Variants in LYPD6B observed in about 807,000 individuals in gnomAD.
The protein encoded by LYPD6B is ly6/PLAUR domain-containing protein 6B.
Under a neutral mutation model 22.8 loss-of-function variants are expected in LYPD6B, and 17 were observed. The ratio of observed to expected loss-of-function variants is 0.75; its 90% CI spans 0.51 to 1.12. The LOEUF is 1.12. Among genes scored for constraint, LYPD6B ranks in the 50% most tolerant of loss-of-function variants. The probability of loss-of-function intolerance (pLI) is 0.00; values close to 1 mark genes in which losing one functional copy is unlikely to be tolerated. For missense variants in LYPD6B, 221 were observed against 258.3 expected (o/e 0.86, Z 0.99); for synonymous variants, 106 against 91.6 (o/e 1.16, Z -0.90).
intron 4 of LYPD6B, 97 bp downstream of exon 4, chr2:149,205,501 G>A: frequency 7.6e-7 from 1 of 1,314,064 alleles, no homozygotes; most frequent in Non-Finnish European, 1.1e-6. Flanking sequence ...GTCTTTCCCA[G>A]AACATTTGTT....
chr2:149,188,767 T>A, intron 3 of LYPD6B: 1 of 671,400 alleles, frequency 1.5e-6, no homozygotes, highest in Non-Finnish European at 1.8e-6. Flanking sequence ...AGATGTTTCA[T>A]GTGGGTAGCT....
chr2:149,052,975 A>G (rs1439812720), intron 1 of LYPD6B, among the ~76,000 whole-genome samples: 2 of 152,202 alleles, frequency 1.3e-5, no homozygotes, highest in African/African-American at 2.4e-5. Context: ...CACCCCATAC[A>G]GTAGCCACTG....
chr2:149,056,930 TA>T (rs570848177), intron 1 of LYPD6B, among the ~76,000 whole-genome samples: 2 of 152,234 alleles, frequency 1.3e-5, no homozygotes, highest in Non-Finnish European at 2.9e-5. Flanking sequence ...CTGTTCTTAT[TA>T]GTTGTATGTT....
intron 2 of LYPD6B, among the ~76,000 whole-genome samples, chr2:149,150,443 C>G (rs385629): frequency 0.65 from 98,840 of 152,072 alleles, 32,290 homozygotes; most frequent in South Asian, 0.76. Flanking sequence ...AAAATTATCT[C>G]TCAAGTTTAA....
chr2:149,040,074 C>T (rs1683002224), intron 1 of LYPD6B, among the ~76,000 whole-genome samples: 1 of 152,068 alleles, frequency 6.6e-6, no homozygotes, highest in African/African-American at 2.4e-5. Flanking sequence ...TCTGTGTTTA[C>T]TGGTTCTTAG....
At chr2:149,193,442 G>A (rs7557702) in intron 3 of LYPD6B, among the ~76,000 whole-genome samples, 79,878 of 151,722 alleles carry the variant, frequency 0.53, 21,285 homozygotes, top group Non-Finnish European at 0.55. Flanking sequence ...CTCAATGTGT[G>A]TTTCCAGCTG....
At chr2:149,175,059 C>CTGTGTGTGTG (rs1281402106) in intron 3 of LYPD6B, among the ~76,000 whole-genome samples, 7 of 116,172 alleles carry the variant, frequency 6.0e-5, no homozygotes, top group African/African-American at 2.0e-4. Context: ...CTCTCTCTCT[C>CTGTGTGTGTG]TCTGTGTGTG....
rs374208178 is a variant in LYPD6B at position 149,102,030 on chromosome 2, T to G, written c.-66-28853T>G. ...GACATACCAGCCACAAAGAGAGAGC[T>G]GCACGTAGACCCAGAGGCTTCTGGG... is the stretch of plus-strand genomic sequence containing the variant. On this transcript the variant is annotated intron_variant, in intron 1 of 6. Transcript: ENST00000409642. 1.8e-3 allele frequency among the ~76,000 whole-genome samples: 281 copies of G among 152,340 alleles called. 1 individual carries two copies. The highest frequency in any genetic ancestry group is 6.5e-3 in the African/African-American group (269 of 41,592).
intron 1 of LYPD6B, among the ~76,000 whole-genome samples, chr2:149,099,951 G>A (rs1313655034): frequency 6.6e-6 from 1 of 152,194 alleles, no homozygotes; most frequent in Non-Finnish European, 1.5e-5. Context: ...GCTGTTCTGG[G>A]CAGCCTGAGG....
At chr2:149,204,223 A>T (rs941366161) in intron 3 of LYPD6B, among the ~76,000 whole-genome samples, 4 of 152,236 alleles carry the variant, frequency 2.6e-5, no homozygotes, top group Non-Finnish European at 1.5e-5. Flanking sequence ...GCCACATTAC[A>T]GATGAGGAAA....
chr2:149,201,710 A>T (rs534467565), intron 3 of LYPD6B, among the ~76,000 whole-genome samples: 46 of 152,350 alleles, frequency 3.0e-4, no homozygotes, highest in African/African-American at 1.0e-3. Flanking sequence ...TACTTTCCTC[A>T]CTTGACAGGC....
chr2:149,078,282 G>A (rs951301457), intron 1 of LYPD6B, among the ~76,000 whole-genome samples: 1 of 152,162 alleles, frequency 6.6e-6, no homozygotes, highest in South Asian at 2.1e-4. Context: ...CTATAATGGG[G>A]TCTTTATTTG....
intron 2 of LYPD6B, among the ~76,000 whole-genome samples, chr2:149,143,334 CT>C (rs35292057): frequency 1.2e-4 from 18 of 148,064 alleles, no homozygotes; most frequent in East Asian, 2.0e-4. Context: ...TTGGTTCCAA[CT>C]TTTTTTTTTT....
chr2:149,197,767 G>A (rs1413982943), intron 3 of LYPD6B, among the ~76,000 whole-genome samples: 1 of 152,168 alleles, frequency 6.6e-6, no homozygotes, highest in Non-Finnish European at 1.5e-5. Context: ...AAGGGGTTAG[G>A]ATCTTTGCTA....
intron 1 of LYPD6B, among the ~76,000 whole-genome samples, chr2:149,100,939 T>A (rs1686176781): frequency 6.6e-6 from 1 of 152,234 alleles, no homozygotes; most frequent in South Asian, 2.1e-4. Flanking sequence ...GTGGCATTTT[T>A]AATCCACCTC....
At chr2:149,086,651 G>A (rs1685407083) in intron 1 of LYPD6B, among the ~76,000 whole-genome samples, 2 of 152,154 alleles carry the variant, frequency 1.3e-5, no homozygotes, top group Admixed American at 1.3e-4. Flanking sequence ...ATGGGGAGGT[G>A]TATTAGTTTG....
intron 1 of LYPD6B, among the ~76,000 whole-genome samples, chr2:149,116,513 T>A (rs1476842798): frequency 2.6e-5 from 4 of 152,226 alleles, no homozygotes; most frequent in African/African-American, 9.6e-5. Flanking sequence ...TAATATTTAC[T>A]ACTAATTTGC....
At chr2:149,181,278 G>C (rs1180078400) in intron 3 of LYPD6B, among the ~76,000 whole-genome samples, 1 of 152,100 alleles carries the variant, frequency 6.6e-6, no homozygotes, top group Non-Finnish European at 1.5e-5. Context: ...CCTGAATCCT[G>C]GAGACGGCGT....
At chr2:149,065,070 AG>A (rs1684258962) in intron 1 of LYPD6B, among the ~76,000 whole-genome samples, 1 of 152,194 alleles carries the variant, frequency 6.6e-6, no homozygotes, top group South Asian at 2.1e-4. Flanking sequence ...GTAAAAGGGC[AG>A]GGACTGCCTG....
Sources: allele counts gnomAD v4.1 joint callset (sites outside exome capture counted in the v4.1 genomes callset), GRCh38; gene constraint gnomAD v4.1.1; transcripts MANE v1.5; gene names NCBI Gene and HGNC (gene_info 2026-07-23, HGNC 2026-07-21).